GOLGA4: variants seen among roughly 807,000 people sequenced by gnomAD.
GOLGA4 encodes golgin subfamily A member 4.
GOLGA4 carries 169 observed loss-of-function variants against 265.9 expected under a neutral mutation model. The ratio of observed to expected loss-of-function variants is 0.64; its 90% CI spans 0.56 to 0.72. GOLGA4 has a LOEUF of 0.72. GOLGA4 is among the 30% of genes least tolerant of loss of function. The pLI, the probability that GOLGA4 is intolerant of heterozygous loss-of-function variation, is 0.00. For missense variants in GOLGA4, 2,482 were observed against 2,483.4 expected (o/e 1.00, Z 0.01); for synonymous variants, 923 against 855.8 (o/e 1.08, Z -1.37).
In GOLGA4 at chr3:37,323,630, G is replaced by C. The variant is rs1318406943; in HGVS notation, c.1744G>C (p.Glu582Gln). The C allele has an allele frequency of 1.3e-6, 2 of 1,577,950 alleles. No individual in the cohort carries two copies. The highest frequency in any genetic ancestry group is 1.7e-6 in the Non-Finnish European group (2 of 1,168,318). ...LESSLEKSLQ[E>Q]NKNQSKDLAV... ...AAGTTCTTTGGAAAAAAGCTTACAA[G>C]AAAACAAAAATCAGTCAAAAGATTT... The change falls in exon 14 of 24, where the codon GAA (glutamate) becomes CAA (glutamine). Residue 582 changes from glutamate (E) to glutamine (Q), a missense_variant. Glu to Gln is a conservative substitution (Grantham distance 29). This residue lies in a region of GOLGA4 where 1,536 missense variants were observed against 1,483.7 expected (regional missense o/e 1.04). Transcript: ENST00000361924.
chr3:37,299,216 A>G (rs1367633165), intron 8 of GOLGA4, 72 bp from the exon 9 acceptor site: 4 of 1,063,494 alleles, frequency 3.8e-6, no homozygotes, highest in Non-Finnish European at 5.7e-6. Flanking sequence ...TATAAATTAG[A>G]TAAATGTTTA....
intron 21 of GOLGA4, among the ~76,000 whole-genome samples, chr3:37,350,808 A>G (rs528811003): frequency 4.6e-5 from 7 of 152,232 alleles, no homozygotes; most frequent in African/African-American, 1.4e-4. Flanking sequence ...TTTTGTCTCA[A>G]AAAAGTATAT....
chr3:37,324,141 A>G lies in GOLGA4; in HGVS notation c.2255A>G (p.Lys752Arg), dbSNP rs944126828. 6.2e-7 allele frequency: 1 copy of G among 1,613,986 alleles called. No individual in the cohort carries two copies. The highest frequency in any genetic ancestry group is 8.5e-7 in the Non-Finnish European group (1 of 1,179,866). Residue 752 changes from lysine (K) to arginine (R), a missense_variant, in exon 14 of 24, where the codon AAG (lysine) becomes AGG (arginine). Lys to Arg is a conservative substitution (Grantham distance 26). Around this residue, in one of 3 missense-constraint regions of GOLGA4, gnomAD observed 1,536 missense variants for 1,483.7 expected, o/e 1.04. Transcript: ENST00000361924. ...EHEVSIQRTE[K>R]ALKDQINQLE... is the part of the protein sequence containing the mutation. ...GAGGTATCTATCCAGAGGACTGAGA[A>G]GGCATTAAAAGATCAAATTAATCAA...
chr3:37,362,233 ATTTATTAT>A (rs1475170245), intron 23 of GOLGA4, among the ~76,000 whole-genome samples: 12 of 46,772 alleles, frequency 2.6e-4, no homozygotes, highest in African/African-American at 4.6e-4. Context: ...TTATTTATTT[ATTTATTAT>A]TTTTTTTTTT....
At chr3:37,286,968 A>G (rs1174632341) in intron 4 of GOLGA4, among the ~76,000 whole-genome samples, 1 of 152,212 alleles carries the variant, frequency 6.6e-6, no homozygotes, top group African/African-American at 2.4e-5. Context: ...CCCACTAGGT[A>G]TTCCAGGTGA....
At chr3:37,362,737 C>G (rs555338575) in intron 23 of GOLGA4, among the ~76,000 whole-genome samples, 15 of 146,678 alleles carry the variant, frequency 1.0e-4, no homozygotes, top group African/African-American at 3.8e-4. Flanking sequence ...AGGCTGGTCT[C>G]GAACTCCTGG....
At chr3:37,248,185 A>G (rs2096724571) in intron 1 of GOLGA4, among the ~76,000 whole-genome samples, 2 of 152,212 alleles carry the variant, frequency 1.3e-5, no homozygotes, top group Non-Finnish European at 2.9e-5. Flanking sequence ...TGTGTTACTC[A>G]GGCAGTCTTG....
At chr3:37,337,636 C>G in intron 18 of GOLGA4, 30 bp from the exon 19 acceptor site, 3 of 1,455,334 alleles carry the variant, frequency 2.1e-6, no homozygotes, top group Non-Finnish European at 2.9e-6. Context: ...AACCTATGTG[C>G]ATTTCAGATC....
Position 37,298,907 on chromosome 3 carries a change from C to T in GOLGA4, c.889C>T (p.Arg297Cys), listed in dbSNP as rs750606247. 9.9e-6 allele frequency: 16 copies of T among 1,613,120 alleles called. No homozygotes were observed. Among genetic ancestry groups the T allele is most frequent in the Non-Finnish European group, 1.3e-5 (15 of 1,179,254 alleles). Reference sequence around the variant, plus strand: ...GAAGCGTCAAGAGAACCTACTTAAGCGTTGTAAGGAAACAATTCAGTCACA... The same window carrying T: ...GAAGCGTCAAGAGAACCTACTTAAGTGTTGTAAGGAAACAATTCAGTCACA... ...RVKRQENLLK[R>C]CKETIQSHKE... is the part of the protein sequence containing the mutation. The change falls in exon 8 of 24, where the codon CGT becomes TGT. Residue 297 changes from arginine (R) to cysteine (C), a missense_variant. By Grantham distance (180) the Arg-to-Cys change is radical. Transcript: ENST00000361924.
rs568604875 is a variant in GOLGA4, at chr3:37,326,772, T to G, written c.4886T>G (p.Leu1629Arg). The change falls in exon 14 of 24, where the codon CTT (leucine) becomes CGT (arginine). Residue 1629 changes from leucine (L) to arginine (R), a missense_variant. Transcript: ENST00000361924. The part of the protein sequence containing the change: ...EEELKALEDR[L>R]ESESAAKLAE... Reference sequence around the variant, plus strand: ...GAGTTAAAGGCATTGGAAGATAGGCTTGAGTCAGAAAGTGCTGCAAAATTA... The same window carrying G: ...GAGTTAAAGGCATTGGAAGATAGGCGTGAGTCAGAAAGTGCTGCAAAATTA... 6.8e-6 allele frequency: 11 copies of G among 1,613,726 alleles called. No individual in the cohort carries two copies. The highest frequency in any genetic ancestry group is 2.7e-5 in the African/African-American group (2 of 75,026).
At chr3:37,302,977 T>C (rs1306823113) in intron 10 of GOLGA4, among the ~76,000 whole-genome samples, 2 of 152,228 alleles carry the variant, frequency 1.3e-5, no homozygotes, top group East Asian at 1.9e-4. Flanking sequence ...TCAGTGAAGA[T>C]GTGAGTTTTG....
At chr3:37,292,910 G>A (rs2096868646) in intron 5 of GOLGA4, among the ~76,000 whole-genome samples, 1 of 152,200 alleles carries the variant, frequency 6.6e-6, no homozygotes, top group South Asian at 2.1e-4. Context: ...GAGAGGAAAA[G>A]TAAAAAATAT....
intron 14 of GOLGA4, 69 bp from the exon 15 acceptor site, chr3:37,328,347 A>G: frequency 6.6e-7 from 1 of 1,517,198 alleles, no homozygotes; most frequent in Non-Finnish European, 9.0e-7. Flanking sequence ...CACTGTTTTA[A>G]AGACCAGGTA....
At chr3:37,333,828 A>G (rs2096999927) in intron 16 of GOLGA4, among the ~76,000 whole-genome samples, 1 of 152,226 alleles carries the variant, frequency 6.6e-6, no homozygotes, top group Non-Finnish European at 1.5e-5. Context: ...AATTAAGTCT[A>G]AGAAAATTTC....
At chr3:37,348,035 G>T (rs1407709719) in intron 21 of GOLGA4, among the ~76,000 whole-genome samples, 1 of 151,988 alleles carries the variant, frequency 6.6e-6, no homozygotes, top group Non-Finnish European at 1.5e-5. Context: ...AATTTTAATT[G>T]TCTGTGTGCC....
At chr3:37,280,559 A>G (rs2096832124) in intron 2 of GOLGA4, among the ~76,000 whole-genome samples, 1 of 152,238 alleles carries the variant, frequency 6.6e-6, no homozygotes, top group African/African-American at 2.4e-5. Context: ...ACCTGGTTCC[A>G]AGCTTTTTGA....
chr3:37,266,842 C>T, intron 2 of GOLGA4: 1 of 1,260,220 alleles, frequency 7.9e-7, no homozygotes, highest in East Asian at 5.6e-5. Flanking sequence ...AATGAGACAG[C>T]TACTAGCCGG....
rs547815649 is a variant in GOLGA4, at chr3:37,347,679, T to C, written c.6576+383T>C. 5.3e-5 allele frequency among the ~76,000 whole-genome samples: 8 copies of C among 152,284 alleles called. No homozygotes were observed. In the South Asian group the frequency reaches 1.7e-3, roughly 32 times the overall value. ...ATAATATTGGAAATAGTCATAATTA[T>C]TAGCTACCTAGAGAGATTTAGAAAC... On this transcript the variant is annotated intron_variant, in intron 21 of 23. Coordinates refer to ENST00000361924, the MANE Select transcript of GOLGA4 (RefSeq NM_002078.5).
intron 6 of GOLGA4, 28 bp downstream of exon 6, chr3:37,295,105 AT>A (rs1205805219): frequency 3.0e-6 from 4 of 1,318,588 alleles, no homozygotes; most frequent in East Asian, 2.5e-5. Context: ...AAAGTGTGGA[AT>A]TTTTTGGATA....
Sources: allele counts gnomAD v4.1 joint callset (sites outside exome capture counted in the v4.1 genomes callset), GRCh38; gene constraint gnomAD v4.1.1; regional missense constraint gnomAD v4.1.1; transcripts MANE v1.5; gene names NCBI Gene and HGNC (gene_info 2026-07-23, HGNC 2026-07-21).